The following TRAPPC11 variants were observed in gnomAD, a reference collection of about 807,000 sequenced individuals.
TRAPPC11 encodes the protein trafficking protein particle complex subunit 11, also known as foie gras homolog.
TRAPPC11 carries 104 observed loss-of-function variants against 151.2 expected under a neutral mutation model. The ratio of observed to expected loss-of-function variants is 0.69; its 90% CI spans 0.59 to 0.81. The LOEUF is 0.81. TRAPPC11 is among the 30% of genes least tolerant of loss of function. The pLI is 0.00. For synonymous variants in TRAPPC11, 456 were observed against 472.3 expected (o/e 0.97, Z 0.45); for missense variants, 1,230 against 1,349.6 (o/e 0.91, Z 1.39).
In TRAPPC11 at chr4:183,691,344, A is replaced by G; in HGVS notation, c.1922A>G (p.Glu641Gly). 1.3e-6 allele frequency: 2 copies of G among 1,553,742 alleles called. No homozygotes were observed. The highest frequency in any genetic ancestry group is 1.8e-6 in the Non-Finnish European group (2 of 1,142,704). ...QEYNQFCVIE[E>G]ASKANEVLEN... Reference sequence around the variant, plus strand: ...TACAACCAGTTCTGTGTAATAGAAGAAGCATCCAAAGCAAATGAAGTTTTA... The same window carrying G: ...TACAACCAGTTCTGTGTAATAGAAGGAGCATCCAAAGCAAATGAAGTTTTA... Residue 641 changes from glutamate to glycine, a missense_variant, in exon 19 of 30, where the codon GAA becomes GGA. Glu to Gly is a moderately conservative substitution (Grantham distance 98, BLOSUM62 -2). Coordinates refer to ENST00000334690, the MANE Select transcript of TRAPPC11 (RefSeq NM_021942.6).
chr4:183,679,613 CATAAGT>C (rs1735578616), intron 9 of TRAPPC11, 127 bp downstream of exon 9: 5 of 671,170 alleles, frequency 7.4e-6, no homozygotes, highest in Non-Finnish European at 9.7e-6. Context: ...GATGATGTAG[CATAAGT>C]ATGTTTCTGG....
Position 183,689,143 on chromosome 4 carries a change from A to G in TRAPPC11, c.1894-2173A>G, listed in dbSNP as rs1579198129. Among the ~76,000 whole-genome samples, 5 of 152,320 alleles carry G rather than the reference A, an allele frequency of 3.3e-5. No homozygotes were observed. The South Asian group carries it at 1.0e-3, about 32-fold the overall frequency. ...AAATAATATCATGGAAGCCAATTAGAGGCTCTTTATATTAATCCATGTACA... is the reference window on the plus strand; with the variant it reads ...AAATAATATCATGGAAGCCAATTAGGGGCTCTTTATATTAATCCATGTACA... On this transcript the variant is annotated intron_variant, in intron 18 of 29. Transcript: ENST00000334690.
chr4:183,709,721 G>C (rs1363584029), intron 29 of TRAPPC11, among the ~76,000 whole-genome samples: 1 of 152,222 alleles, frequency 6.6e-6, no homozygotes, highest in African/African-American at 2.4e-5. Context: ...CTTGCAGTGA[G>C]TGGAGGTTGT....
chr4:183,681,005 A>G lies in TRAPPC11; in HGVS notation c.1113+738A>G, dbSNP rs374098671. On this transcript the variant is annotated intron_variant, in intron 10 of 29. Transcript: ENST00000334690. ...ACCGCGCCTGGCCTCCTGTGTAGAG[A>G]CTCTTAAGAGTCTGTTTGAGGAGTA... 1.5e-4 allele frequency among the ~76,000 whole-genome samples: 22 copies of G among 150,278 alleles called. No individual in the cohort carries two copies. In the East Asian group the frequency reaches 3.5e-3, roughly 24 times the overall value.
intron 27 of TRAPPC11, 88 bp downstream of exon 27, chr4:183,705,158 AT>A: frequency 1.0e-6 from 1 of 979,424 alleles, no homozygotes; most frequent in Non-Finnish European, 1.5e-6. Flanking sequence ...TTAACATTCT[AT>A]TTAGAAAGTT....
intron 2 of TRAPPC11, among the ~76,000 whole-genome samples, chr4:183,665,396 C>G (rs916557188): frequency 1.3e-5 from 2 of 152,166 alleles, no homozygotes; most frequent in African/African-American, 2.4e-5. Context: ...GCCAGGCCTA[C>G]ATGATTATTT....
In TRAPPC11 at chr4:183,706,825, G is replaced by C; in HGVS notation, c.3074G>C (p.Arg1025Pro). The change falls in exon 28 of 30, where the codon CGT becomes CCT. Residue 1025 changes from arginine (R) to proline (P), a missense_variant. Physicochemically the swap from Arg to Pro is moderately radical, Grantham distance 103. Transcript: ENST00000334690. ...HVNADLPSFG[R>P]VRESLPVKYH... ...TCTGTAGATCTGCCGTCATTTGGGCGTGTCAGAGAGTCGTTACCTGTCAAG... is the reference window on the plus strand; with the variant it reads ...TCTGTAGATCTGCCGTCATTTGGGCCTGTCAGAGAGTCGTTACCTGTCAAG... 6.2e-7 allele frequency: 1 copy of C among 1,613,354 alleles called. No homozygotes were observed. The highest frequency in any genetic ancestry group is 8.5e-7 in the Non-Finnish European group (1 of 1,179,548).
chr4:183,679,462 A>G lies in TRAPPC11; in HGVS notation c.941A>G (p.Glu314Gly), dbSNP rs764354419. The part of the protein sequence containing the change: ...KKIGSAELSF[E>G]HDAWMSKQFQ... The stretch of plus-strand genomic sequence containing the variant: ...ATTGGAAGTGCAGAGCTGTCTTTTG[A>G]GCATGATGCATGGATGTCTAAACAG... Residue 314 changes from glutamate to glycine, a missense_variant, in exon 9 of 30, where the codon GAG (glutamate) becomes GGG (glycine). Coordinates refer to ENST00000334690, the MANE Select transcript of TRAPPC11 (RefSeq NM_021942.6). 2.5e-5 allele frequency: 40 copies of G among 1,611,760 alleles called. No individual in the cohort carries two copies. Among genetic ancestry groups the G allele is most frequent in the Non-Finnish European group, 3.2e-5 (38 of 1,179,074 alleles).
At chr4:183,709,386 G>A (rs767168528) in intron 29 of TRAPPC11, among the ~76,000 whole-genome samples, 9 of 152,046 alleles carry the variant, frequency 5.9e-5, no homozygotes, top group Non-Finnish European at 1.2e-4. Flanking sequence ...TCTGTACTCT[G>A]CCAGCTTTTA....
intron 5 of TRAPPC11, among the ~76,000 whole-genome samples, chr4:183,669,696 GC>G (rs1459193243): frequency 6.6e-6 from 1 of 152,150 alleles, no homozygotes; most frequent in African/African-American, 2.4e-5. Context: ...GTGGGTAGAG[GC>G]CAGGGATGTT....
chr4:183,663,744 T>TC (rs1006674681), intron 1 of TRAPPC11, 103 bp from the exon 2 acceptor site: 2 of 511,282 alleles, frequency 3.9e-6, no homozygotes, highest in African/African-American at 3.9e-5. Context: ...TTGTTTTTTT[T>TC]TTTTTTTTTT....
At chr4:183,662,354 CAAAAAAAA>C (rs202105209) in intron 1 of TRAPPC11, among the ~76,000 whole-genome samples, 1 of 110,278 alleles carries the variant, frequency 9.1e-6, no homozygotes, top group Non-Finnish European at 1.8e-5. Flanking sequence ...TACTCCGTCT[CAAAAAAAA>C]AAAAAAAAAA....
intron 9 of TRAPPC11, among the ~76,000 whole-genome samples, chr4:183,679,915 G>A (rs2111347622): frequency 6.6e-6 from 1 of 152,262 alleles, no homozygotes; most frequent in South Asian, 2.1e-4. Context: ...CTTGTTAGAA[G>A]AGATGACTTA....
intron 5 of TRAPPC11, among the ~76,000 whole-genome samples, chr4:183,670,674 C>T (rs1315194094): frequency 1.3e-5 from 2 of 152,044 alleles, no homozygotes; most frequent in African/African-American, 2.4e-5. Flanking sequence ...GGCACAATCT[C>T]GGCTCACTGC....
chr4:183,691,510 A>C (rs766228316), intron 19 of TRAPPC11, 39 bp downstream of exon 19: 9 of 1,254,594 alleles, frequency 7.2e-6, no homozygotes, highest in Middle Eastern at 2.8e-4. Flanking sequence ...TTTTAATAAT[A>C]AAAGTATGTT....
At chr4:183,700,596 C>G (rs868416795) in intron 25 of TRAPPC11, among the ~76,000 whole-genome samples, 8 of 152,200 alleles carry the variant, frequency 5.3e-5, no homozygotes, top group South Asian at 4.1e-4. Flanking sequence ...AGGGAATTTG[C>G]TATAAAATTG....
At chr4:183,691,738 A>G (rs1187215273) in intron 19 of TRAPPC11, among the ~76,000 whole-genome samples, 1 of 152,128 alleles carries the variant, frequency 6.6e-6, no homozygotes, top group Non-Finnish European at 1.5e-5. Flanking sequence ...AATAGTGTAT[A>G]TTAGATATTA....
intron 27 of TRAPPC11, chr4:183,706,094 A>ACC (rs1269259761): frequency 6.6e-6 from 1 of 150,974 alleles, no homozygotes; most frequent in Non-Finnish European, 1.5e-5. Context: ...ACACACACAC[A>ACC]CACACCCACC....
chr4:183,663,784 G>C, intron 1 of TRAPPC11, 63 bp from the exon 2 acceptor site: 2 of 773,126 alleles, frequency 2.6e-6, no homozygotes, highest in Non-Finnish European at 3.9e-6. Flanking sequence ...TGTTGCCCAG[G>C]CTGGAGAAAT....
Sources: allele counts gnomAD v4.1 joint callset (sites outside exome capture counted in the v4.1 genomes callset), GRCh38; gene constraint gnomAD v4.1.1; transcripts MANE v1.5; gene names NCBI Gene and HGNC (gene_info 2026-07-23, HGNC 2026-07-21).